Variants in PRAMEF4 observed in about 807,000 individuals in gnomAD.
The protein encoded by PRAMEF4 is PRAME family member 4, also known as RP5-845O24.6.
PRAMEF4 carries 18 observed loss-of-function variants against 34.4 expected under a neutral mutation model. The observed-to-expected ratio is 0.52, with a 90% CI of 0.36 to 0.78. PRAMEF4 has a LOEUF of 0.78. Ranked by LOEUF, PRAMEF4 falls within the 30% of genes least tolerant of loss-of-function variation. The pLI is 0.00. For missense variants in PRAMEF4, 482 were observed against 569.1 expected (o/e 0.85, Z 1.56); for synonymous variants, 156 against 219.3 (o/e 0.71, Z 2.55).
In PRAMEF4 at chr1:12,883,448, C is replaced by T. The variant is rs549921187; in HGVS notation, c.-16-38G>A. 69 of 1,597,860 alleles carry T rather than the reference C, an allele frequency of 4.3e-5. 4 individuals carry two copies. In the South Asian group the frequency reaches 4.8e-4, roughly 11 times the overall value. On this transcript the variant is annotated intron_variant, in intron 1 of 3. Coordinates refer to ENST00000235349, the MANE Select transcript of PRAMEF4 (RefSeq NM_001009611.4). The stretch of plus-strand genomic sequence containing the variant: ...AAACCCAGAGAAAAGGCATCTCTCT[C>T]GGGCCAAGCCCATGCAATCTCATCC...
chr1:12,885,237 C>G (rs1027390511), intron 1 of PRAMEF4, among the ~76,000 whole-genome samples: 11 of 150,276 alleles, frequency 7.3e-5, no homozygotes, highest in Non-Finnish European at 1.6e-4. Context: ...TCAAGCAATT[C>G]TCATGCTTCA....
At chr1:12,885,112 G>T (rs2100428372) in intron 1 of PRAMEF4, among the ~76,000 whole-genome samples, 1 of 150,990 alleles carries the variant, frequency 6.6e-6, no homozygotes, top group African/African-American at 2.4e-5. Context: ...TGTATCCGAT[G>T]ATCACCTGGG....
chr1:12,882,145 C>G lies in PRAMEF4; in HGVS notation c.584G>C (p.Arg195Pro). The G allele has an allele frequency of 6.4e-7, 1 of 1,574,134 alleles. No homozygotes were observed. The highest frequency in any genetic ancestry group is 8.6e-7 in the Non-Finnish European group (1 of 1,164,726). ...KKLKILGMPF[R>P]NIRSILKMVN... The stretch of plus-strand genomic sequence containing the variant: ...CATTTTCAGGATGCTTCTGATATTG[C>G]GGAAGGGCATTCCCAAAATTTTCAG... The change falls in exon 3 of 4, where the codon CGC becomes CCC. Residue 195 changes from arginine (R) to proline (P), a missense_variant. Arg to Pro is a moderately radical substitution (Grantham distance 103). This residue lies in a region of PRAMEF4 where 72 missense variants were observed against 128.9 expected (regional missense o/e 0.56). Transcript: ENST00000235349.
intron 3 of PRAMEF4, among the ~76,000 whole-genome samples, chr1:12,880,796 C>T (rs916656671): frequency 6.9e-6 from 1 of 145,838 alleles, no homozygotes; most frequent in African/African-American, 2.6e-5. Flanking sequence ...GGGCTGCAGG[C>T]GTCCCTGACA....
At chr1:12,884,846 G>C (rs1322707737) in intron 1 of PRAMEF4, among the ~76,000 whole-genome samples, 5 of 150,154 alleles carry the variant, frequency 3.3e-5, no homozygotes, top group African/African-American at 4.9e-5. Flanking sequence ...TTTAGGGATA[G>C]GGTGAAAGTC....
intron 1 of PRAMEF4, among the ~76,000 whole-genome samples, chr1:12,885,515 TCA>T (rs1392122570): frequency 1.3e-5 from 2 of 148,818 alleles, no homozygotes; most frequent in Non-Finnish European, 3.0e-5. Context: ...GCATGGTGAC[TCA>T]CAGCTGTAAT....
In PRAMEF4 at chr1:12,882,056, G is replaced by A. The variant is rs1440328092; in HGVS notation, c.673C>T (p.Gln225Ter). ...ATGTGGCCCAGGTATGGGGTAAACT[G>A]TGTCAGGATGGGCAGTACCCACTTG... The part of the protein sequence containing the change: ...NCKWVLPILT[Q>*]FTPYLGHMRN... Residue 225 changes from glutamine (Q) to a stop codon, truncating the protein, a stop_gained, in exon 3 of 4, where the codon CAG becomes TAG. Coordinates refer to ENST00000235349, the MANE Select transcript of PRAMEF4 (RefSeq NM_001009611.4). LOFTEE classifies it high-confidence loss of function. The A allele has an allele frequency of 1.9e-6, 3 of 1,590,194 alleles. No homozygotes were observed. Among genetic ancestry groups the A allele is most frequent in the Middle Eastern group, 1.7e-4 (1 of 5,736 alleles).
At chr1:12,880,381 G>A (rs866043656) in intron 3 of PRAMEF4, among the ~76,000 whole-genome samples, 1 of 150,494 alleles carries the variant, frequency 6.6e-6, no homozygotes, top group Non-Finnish European at 1.5e-5. Context: ...TTTGAGACCA[G>A]CCTGCTGAAC....
intron 1 of PRAMEF4, among the ~76,000 whole-genome samples, chr1:12,885,690 C>T (rs1305605771): frequency 6.8e-6 from 1 of 146,306 alleles, no homozygotes; most frequent in Non-Finnish European, 1.5e-5. Context: ...GAGACTGAGG[C>T]ATGAGAATTG....
intron 2 of PRAMEF4, 79 bp downstream of exon 2, chr1:12,883,023 C>T: frequency 6.4e-7 from 1 of 1,569,392 alleles, no homozygotes; most frequent in Non-Finnish European, 8.7e-7. Flanking sequence ...CCCCTTGGGC[C>T]TCCTCACTTC....
At chr1:12,884,767 C>G (rs1640963224) in intron 1 of PRAMEF4, among the ~76,000 whole-genome samples, 1 of 149,494 alleles carries the variant, frequency 6.7e-6, no homozygotes, top group African/African-American at 2.5e-5. Flanking sequence ...CCAGTTAATC[C>G]TTATTGGATT....
chr1:12,885,828 T>C (rs1031312767), intron 1 of PRAMEF4, among the ~76,000 whole-genome samples: 2 of 142,810 alleles, frequency 1.4e-5, no homozygotes, highest in African/African-American at 5.4e-5. Flanking sequence ...GTTTTTGTCA[T>C]GTTGTCCAGG....
intron 1 of PRAMEF4, among the ~76,000 whole-genome samples, chr1:12,884,120 T>G (rs5029850): frequency 6.9e-6 from 1 of 145,250 alleles, no homozygotes; most frequent in South Asian, 2.2e-4. Flanking sequence ...GGATTCTTCC[T>G]CCTCAGCCTC....
At chr1:12,881,714 C>G (rs1360641513) in intron 3 of PRAMEF4, 140 bp downstream of exon 3, 1 of 1,401,354 alleles carries the variant, frequency 7.1e-7, no homozygotes, top group Admixed American at 2.1e-5. Context: ...GACAGGGCCG[C>G]CCACAGGACA....
chr1:12,884,711 A>T (rs1736780), intron 1 of PRAMEF4, among the ~76,000 whole-genome samples: 23,014 of 129,566 alleles, frequency 0.18, 2,014 homozygotes, highest in African/African-American at 0.27. Context: ...TAGATTGAAC[A>T]GAGAGACAGA....
At position 12,881,530 on chromosome 1, in the gene PRAMEF4, G is replaced by C. The variant is rs12066788; in HGVS notation, c.875+324C>G. Among the ~76,000 whole-genome samples, 960 of 146,376 alleles carry C rather than the reference G, an allele frequency of 6.6e-3. 79 individuals are homozygous for C. The highest frequency in any genetic ancestry group is 0.018 in the Middle Eastern group (5 of 284). On this transcript the variant is annotated intron_variant, in intron 3 of 3. Coordinates refer to ENST00000235349, the MANE Select transcript of PRAMEF4 (RefSeq NM_001009611.4). ...ACAGGCATGAGCCACCGCCCCTGGC[G>C]TATTTTTCATCATCTTAACTTAGAC...
At chr1:12,882,788 C>A (rs1413748622) in intron 2 of PRAMEF4, among the ~76,000 whole-genome samples, 1 of 147,726 alleles carries the variant, frequency 6.8e-6, no homozygotes, top group Non-Finnish European at 1.5e-5. Context: ...TTGGGGTTTA[C>A]CATGTTGGAC....
chr1:12,881,747 C>T lies in PRAMEF4; in HGVS notation c.875+107G>A, dbSNP rs11485051. 1.8e-5 allele frequency: 27 copies of T among 1,526,362 alleles called. 1 individual carries two copies. In the African/African-American group the frequency reaches 2.1e-4, roughly 12 times the overall value. 94.6% of individuals were successfully genotyped at this position (1,526,362 alleles called of 1,614,324 possible). Reference sequence around the variant, plus strand: ...ACAATGCATGGACATTCTAGTGTCCCCTTCACTGTTTCATCCTCATAGGCT... The same window carrying T: ...ACAATGCATGGACATTCTAGTGTCCTCTTCACTGTTTCATCCTCATAGGCT... On this transcript the variant is annotated intron_variant, in intron 3 of 3. Coordinates refer to ENST00000235349, the MANE Select transcript of PRAMEF4 (RefSeq NM_001009611.4).
At chr1:12,881,138 G>T (rs1049605075) in intron 3 of PRAMEF4, among the ~76,000 whole-genome samples, 1 of 148,152 alleles carries the variant, frequency 6.7e-6, no homozygotes, top group Non-Finnish European at 1.5e-5. Flanking sequence ...GTCCATGGTG[G>T]GTGGATCACC....
Sources: gnomAD v4.1 joint callset for allele counts (sites outside exome capture counted in the v4.1 genomes callset) on GRCh38, gnomAD v4.1.1 for gene constraint, gnomAD v4.1.1 regional missense constraint, MANE v1.5 for transcripts, NCBI Gene and HGNC (gene_info 2026-07-23, HGNC 2026-07-21) for gene names.